Variants in SIDT1 observed in about 807,000 individuals in gnomAD.
SIDT1 encodes the protein SID1 transmembrane family member 1, also known as SID1 transmembrane family, member 1.
Under a neutral mutation model 107.5 loss-of-function variants are expected in SIDT1, and 101 were observed. The observed-to-expected ratio is 0.94, with a 90% CI of 0.80 to 1.11. The LOEUF (loss-of-function observed/expected upper bound fraction) is 1.11, where lower values mean the gene tolerates loss of function less well. SIDT1 is among the 50% of genes least tolerant of loss of function. The pLI, the probability that SIDT1 is intolerant of heterozygous loss-of-function variation, is 0.00. For missense variants in SIDT1, 1,076 were observed against 1,058.2 expected, an observed-to-expected ratio of 1.02 and a Z score of -0.23; for synonymous variants, 395 against 398.2, an observed-to-expected ratio of 0.99 and a Z score of 0.10.
chr3:113,572,104 T>C (rs1484866920), intron 3 of SIDT1, among the ~76,000 whole-genome samples: 1 of 152,128 alleles, frequency 6.6e-6, no homozygotes, highest in Non-Finnish European at 1.5e-5. Flanking sequence ...TTGCTGAAAT[T>C]TTATTAGATA....
chr3:113,550,883 T>A (rs552905761), intron 1 of SIDT1, among the ~76,000 whole-genome samples: 1 of 152,254 alleles, frequency 6.6e-6, no homozygotes, highest in South Asian at 2.1e-4. Flanking sequence ...TAGTACCCAT[T>A]AGTTATTTTT....
At position 113,585,110 on chromosome 3, in the gene SIDT1, C is replaced by T; in HGVS notation, c.908-67C>T. On this transcript the variant is annotated intron_variant, in intron 8 of 24. Transcript: ENST00000264852. The stretch of plus-strand genomic sequence containing the variant: ...TGATGGAGGGGGCCCTTTAAGCCGT[C>T]CTGTCTCAGATGGAGTCTTCTTTTC... 3.5e-6 allele frequency: 4 copies of T among 1,138,762 alleles called. No individual in the cohort carries two copies. The Admixed American group carries it at 7.1e-5, about 20-fold the overall frequency. 70.5% of individuals were successfully genotyped at this position (1,138,762 alleles called of 1,614,324 possible).
At chr3:113,631,764 G>A (rs1947096676), downstream of SIDT1, among the ~76,000 whole-genome samples, 2 of 152,156 alleles carry the variant, frequency 1.3e-5, no homozygotes, top group Admixed American at 6.5e-5. Flanking sequence ...GAACTCCAAG[G>A]CGGGGCCTGT....
At chr3:113,593,123 CCT>C in intron 10 of SIDT1, 75 bp downstream of exon 10, 5 of 1,227,084 alleles carry the variant, frequency 4.1e-6, no homozygotes, top group Non-Finnish European at 6.0e-6. Flanking sequence ...GCTTCTTTTA[CCT>C]CTCTGCCTTT....
intron 1 of SIDT1, among the ~76,000 whole-genome samples, chr3:113,533,675 C>T (rs1434383380): frequency 6.6e-6 from 1 of 152,170 alleles, no homozygotes; most frequent in Non-Finnish European, 1.5e-5. Flanking sequence ...TATTTCATAG[C>T]GCATGGGGAG....
Position 113,626,228 on chromosome 3 carries a change from C to G in SIDT1, c.2421+13C>G. The G allele has an allele frequency of 6.4e-7, 1 of 1,559,896 alleles. No individual in the cohort carries two copies. The highest frequency in any genetic ancestry group is 2.2e-5 in the East Asian group (1 of 44,596). ...TTTCTCATTCTTGGTGAGTTCATAT[C>G]TATCTTTTTGTGACTTTCTTCTCTC... On this transcript the variant is annotated intron_variant, in intron 24 of 24. Coordinates refer to ENST00000264852, the MANE Select transcript of SIDT1 (RefSeq NM_017699.3).
intron 24 of SIDT1, among the ~76,000 whole-genome samples, chr3:113,626,507 A>T (rs1025254145): frequency 6.6e-6 from 1 of 152,196 alleles, no homozygotes. Context: ...CCACATGCCC[A>T]GAATTCCCCC....
intron 1 of SIDT1, among the ~76,000 whole-genome samples, chr3:113,557,273 G>A (rs1940980194): frequency 6.6e-6 from 1 of 152,172 alleles, no homozygotes; most frequent in Non-Finnish European, 1.5e-5. Context: ...GTAGAGTTTT[G>A]GAGAATGAGT....
chr3:113,544,348 G>T (rs1190090542), intron 1 of SIDT1, among the ~76,000 whole-genome samples: 2 of 152,024 alleles, frequency 1.3e-5, no homozygotes, highest in African/African-American at 4.8e-5. Context: ...ACACAACCAC[G>T]CCCAGCTAAT....
intron 19 of SIDT1, 32 bp downstream of exon 19, chr3:113,612,226 A>C: frequency 1.4e-6 from 2 of 1,442,164 alleles, no homozygotes; most frequent in Non-Finnish European, 2.0e-6. Flanking sequence ...TACTAATCAC[A>C]CGAATCAACT....
chr3:113,612,927 A>G (rs768129297), intron 19 of SIDT1, among the ~76,000 whole-genome samples: 1 of 152,238 alleles, frequency 6.6e-6, no homozygotes, highest in Non-Finnish European at 1.5e-5. Context: ...AAGTCCAAAT[A>G]AAAGCCTGCA....
intron 1 of SIDT1, among the ~76,000 whole-genome samples, chr3:113,550,409 A>G (rs1204613519): frequency 1.3e-5 from 2 of 152,158 alleles, no homozygotes; most frequent in African/African-American, 4.8e-5. Context: ...TGATCTCCCA[A>G]TTATCAAGGT....
chr3:113,581,865 C>T (rs185494950), intron 6 of SIDT1: 1 of 159,570 alleles, frequency 6.3e-6, no homozygotes, highest in African/African-American at 2.4e-5. Context: ...AACAGCAAAA[C>T]TCCATTGAAA....
chr3:113,610,501 A>G (rs1945657955), intron 17 of SIDT1, among the ~76,000 whole-genome samples: 1 of 152,194 alleles, frequency 6.6e-6, no homozygotes, highest in African/African-American at 2.4e-5. Context: ...AGTAAGCTCC[A>G]TTTTATTTCT....
At chr3:113,611,209 A>G in intron 18 of SIDT1, 65 bp downstream of exon 18, 1 of 1,568,236 alleles carries the variant, frequency 6.4e-7, no homozygotes, top group Non-Finnish European at 8.7e-7. Flanking sequence ...ATAAACAAAC[A>G]ACAATCAAGT....
In SIDT1 at chr3:113,581,363, C is replaced by A; in HGVS notation, c.666C>A (p.Cys222Ter). The A allele has an allele frequency of 6.2e-7, 1 of 1,613,278 alleles. No homozygotes were observed. The highest frequency in any genetic ancestry group is 8.5e-7 in the Non-Finnish European group (1 of 1,179,274). The change falls in exon 6 of 25, where the codon TGC (cysteine) becomes TGA (stop). Residue 222 changes from cysteine (C) to a stop codon, truncating the protein, a stop_gained and splice_region_variant. Transcript: ENST00000264852. LOFTEE classifies it high-confidence loss of function. ...TTTATTCCTCATGCATGCTGCAGTG[C>A]CCGGTGTATGATCTCGACCACAATG... ...CSVVSVQNIM[C>*]PVYDLDHNVE...
At chr3:113,554,097 G>A (rs942698882) in intron 1 of SIDT1, among the ~76,000 whole-genome samples, 1 of 152,118 alleles carries the variant, frequency 6.6e-6, no homozygotes, top group Non-Finnish European at 1.5e-5. Flanking sequence ...AACCTGGAGA[G>A]ACAGAAAATG....
chr3:113,593,287 G>A (rs1235321543), intron 10 of SIDT1, among the ~76,000 whole-genome samples: 1 of 152,122 alleles, frequency 6.6e-6, no homozygotes, highest in African/African-American at 2.4e-5. Context: ...TTAGGAGCTG[G>A]GCTGCACAGC....
At chr3:113,572,942 A>G (rs1049993545) in intron 3 of SIDT1, among the ~76,000 whole-genome samples, 5 of 152,148 alleles carry the variant, frequency 3.3e-5, no homozygotes, top group African/African-American at 1.2e-4. Flanking sequence ...TATGTGTCAT[A>G]CTATATAATT....
Sources: allele counts gnomAD v4.1 joint callset (sites outside exome capture counted in the v4.1 genomes callset), GRCh38; gene constraint gnomAD v4.1.1; transcripts MANE v1.5; gene names NCBI Gene and HGNC (gene_info 2026-07-23, HGNC 2026-07-21).